RANBP2: variants seen among roughly 807,000 people sequenced by gnomAD.
RANBP2 encodes the protein RAN binding protein 2.
In RANBP2, 57 loss-of-function variants were observed where a neutral mutation model predicts 303.6. The ratio of observed to expected loss-of-function variants is 0.19; its 90% CI spans 0.15 to 0.23. RANBP2 has a LOEUF of 0.23. Among genes scored for constraint, RANBP2 ranks in the 10% least tolerant of loss-of-function variants. RANBP2 has a pLI of 1.00. For missense variants in RANBP2, 3,138 were observed against 3,780.8 expected, an observed-to-expected ratio of 0.83 and a Z score of 4.46; for synonymous variants, 1,167 against 1,301.5, an observed-to-expected ratio of 0.90 and a Z score of 2.23.
the RANBP2 span, among the ~76,000 whole-genome samples, chr2:108,963,591 A>T: frequency 6.6e-6 from 1 of 152,318 alleles, no homozygotes; most frequent in Non-Finnish European, 1.5e-5. Context: ...CAATATAGTC[A>T]AGACAGAAGA....
At chr2:109,233,101 G>T in the RANBP2 span, among the ~76,000 whole-genome samples, 1 of 152,222 alleles carries the variant, frequency 6.6e-6, no homozygotes. Flanking sequence ...GTGGCGAGGG[G>T]TGTGTTACAA....
chr2:109,501,429 G>A, the RANBP2 span: 1 of 669,672 alleles, frequency 1.5e-6, no homozygotes, highest in Non-Finnish European at 2.8e-6. Context: ...TTTACACCGA[G>A]GGAAGAAGAG....
At chr2:109,302,951 A>G in the RANBP2 span, among the ~76,000 whole-genome samples, 2 of 152,054 alleles carry the variant, frequency 1.3e-5, no homozygotes, top group African/African-American at 2.4e-5. Context: ...ATCTTAGCTC[A>G]CTGCAACCTC....
chr2:109,729,548 G>T, the RANBP2 span, among the ~76,000 whole-genome samples: 11 of 152,274 alleles, frequency 7.2e-5, no homozygotes, highest in Non-Finnish European at 1.3e-4. Context: ...TACACGGGAG[G>T]TTGAGGCAGA....
the RANBP2 span, among the ~76,000 whole-genome samples, chr2:108,953,706 T>G: frequency 1.3e-5 from 2 of 152,034 alleles, no homozygotes; most frequent in Non-Finnish European, 2.9e-5. Context: ...GGTAGCTATG[T>G]GAACAAGGAC....
the RANBP2 span, among the ~76,000 whole-genome samples, chr2:109,658,460 A>C: frequency 6.6e-6 from 1 of 152,116 alleles, no homozygotes; most frequent in African/African-American, 2.4e-5. Flanking sequence ...AAAAAGAAAA[A>C]GATATAAATC....
the RANBP2 span, among the ~76,000 whole-genome samples, chr2:108,798,962 A>G: frequency 6.6e-6 from 1 of 152,140 alleles, no homozygotes; most frequent in Non-Finnish European, 1.5e-5. Context: ...ATTAGCGCAT[A>G]TCAGGAAATT....
chr2:109,332,831 A>G, the RANBP2 span, among the ~76,000 whole-genome samples: 1 of 152,246 alleles, frequency 6.6e-6, no homozygotes, highest in Non-Finnish European at 1.5e-5. Flanking sequence ...CGTGCACAGT[A>G]TGTTAATTGT....
chr2:108,781,233 G>C, intron 25 of RANBP2, 36 bp from the exon 26 acceptor site: 1 of 1,605,950 alleles, frequency 6.2e-7, no homozygotes, highest in Non-Finnish European at 8.5e-7. Context: ...GTAAAAAATA[G>C]ATACTAGTGT....
chr2:109,180,206 A>G, the RANBP2 span, among the ~76,000 whole-genome samples: 1 of 150,900 alleles, frequency 6.6e-6, no homozygotes. Flanking sequence ...CCACTGAACC[A>G]CTGCCCTCCA....
At chr2:109,148,204 T>C in the RANBP2 span, among the ~76,000 whole-genome samples, 1 of 152,232 alleles carries the variant, frequency 6.6e-6, no homozygotes, top group Non-Finnish European at 1.5e-5. Flanking sequence ...CTGCCTGCTC[T>C]AGGACTCAGG....
chr2:109,421,385 G>C, the RANBP2 span, among the ~76,000 whole-genome samples: 1 of 152,246 alleles, frequency 6.6e-6, no homozygotes, highest in Non-Finnish European at 1.5e-5. Context: ...CTTCCTGGGT[G>C]CAGAGGGCTC....
chr2:109,120,713 A>G, the RANBP2 span, among the ~76,000 whole-genome samples: 1 of 143,030 alleles, frequency 7.0e-6, no homozygotes, highest in Non-Finnish European at 1.5e-5. Context: ...TGAAGGGTTG[A>G]GGAGGCTGTG....
the RANBP2 span, among the ~76,000 whole-genome samples, chr2:109,108,696 G>A: frequency 6.6e-6 from 1 of 152,212 alleles, no homozygotes; most frequent in Non-Finnish European, 1.5e-5. Context: ...AAAATTGAAA[G>A]GATGCAAAGT....
chr2:109,339,020 T>C, the RANBP2 span, among the ~76,000 whole-genome samples: 1 of 152,206 alleles, frequency 6.6e-6, no homozygotes, highest in Non-Finnish European at 1.5e-5. Context: ...TAAAAAATTG[T>C]AAGGAAGAGA....
At chr2:109,570,527 GTT>G in the RANBP2 span, among the ~76,000 whole-genome samples, 4 of 147,268 alleles carry the variant, frequency 2.7e-5, no homozygotes, top group Middle Eastern at 7.0e-3. Flanking sequence ...ATTGTATCAG[GTT>G]TTTTTTTTTT....
At chr2:109,211,648 CTTT>C in the RANBP2 span, among the ~76,000 whole-genome samples, 3 of 142,570 alleles carry the variant, frequency 2.1e-5, no homozygotes, top group African/African-American at 2.6e-5. Flanking sequence ...GCATTTCTTT[CTTT>C]TTTTTTTTTT....
chr2:109,419,592 G>A, the RANBP2 span: 51 of 1,596,766 alleles, frequency 3.2e-5, no homozygotes, highest in South Asian at 1.4e-4. Flanking sequence ...GGGCTGCCTC[G>A]GTGTCTGGAG....
chr2:108,969,996 G>C, the RANBP2 span, among the ~76,000 whole-genome samples: 1 of 152,214 alleles, frequency 6.6e-6, no homozygotes, highest in East Asian at 1.9e-4. Flanking sequence ...GGAGGGTCTA[G>C]CCAGCCCAGC....
Sources: gnomAD v4.1 joint callset for allele counts (sites outside exome capture counted in the v4.1 genomes callset) on GRCh38, gnomAD v4.1.1 for gene constraint, MANE v1.5 for transcripts, NCBI Gene and HGNC (gene_info 2026-07-23, HGNC 2026-07-21) for gene names.